Variants in WWC2 observed in about 807,000 individuals in gnomAD.
The protein encoded by WWC2 is protein WWC2.
WWC2 carries 101 observed loss-of-function variants against 138.5 expected under a neutral mutation model. The observed-to-expected ratio is 0.73, with a 90% CI of 0.62 to 0.86. The LOEUF is 0.86. Among genes scored for constraint, WWC2 ranks in the 40% least tolerant of loss-of-function variants. The pLI is 0.00. For missense variants in WWC2, 1,420 were observed against 1,419.4 expected, an observed-to-expected ratio of 1.00 and a Z score of -0.01; for synonymous variants, 558 against 538.4, an observed-to-expected ratio of 1.04 and a Z score of -0.50.
chr4:183,162,228 T>C (rs1484036158), intron 1 of WWC2, among the ~76,000 whole-genome samples: 1 of 152,092 alleles, frequency 6.6e-6, no homozygotes, highest in Non-Finnish European at 1.5e-5. Context: ...TAATTCTCAG[T>C]GTTTCTAATG....
At chr4:183,299,887 C>CCAG (rs560421312) in intron 21 of WWC2, among the ~76,000 whole-genome samples, 9 of 152,156 alleles carry the variant, frequency 5.9e-5, no homozygotes, top group Non-Finnish European at 1.3e-4. Flanking sequence ...TGAATCGAAG[C>CCAG]CAGCAGCAGA....
intron 14 of WWC2, among the ~76,000 whole-genome samples, chr4:183,267,904 CT>C (rs573083574): frequency 2.6e-5 from 4 of 152,016 alleles, no homozygotes; most frequent in East Asian, 1.9e-4. Flanking sequence ...TAAAATTGTT[CT>C]TTTTTTTCCC....
At position 183,320,295 on chromosome 4, in the gene WWC2, A is replaced by G. The variant is rs943448412; in HGVS notation, c.*4566A>G. The stretch of plus-strand genomic sequence containing the variant: ...TGAAAAGAAGTGTGACACTTGTGTT[A>G]TAACTTATGAAACTCAGAAATATTT... On this transcript the variant is annotated 3_prime_UTR_variant, in exon 23 of 23. Transcript: ENST00000403733. The G allele has an allele frequency of 3.9e-5, 51 of 1,307,538 alleles. No individual in the cohort carries two copies. The highest frequency in any genetic ancestry group is 1.9e-4 in the Middle Eastern group (1 of 5,258). 81.0% of individuals were successfully genotyped at this position (1,307,538 alleles called of 1,614,324 possible).
At chr4:183,267,347 G>A (rs1269671334) in intron 14 of WWC2, among the ~76,000 whole-genome samples, 1 of 152,114 alleles carries the variant, frequency 6.6e-6, no homozygotes, top group Non-Finnish European at 1.5e-5. Flanking sequence ...TCCCAAATGC[G>A]AGATGAAAAA....
chr4:183,265,891 T>A lies in WWC2; in HGVS notation c.2147T>A (p.Met716Lys). The change falls in exon 14 of 23, where the codon ATG becomes AAG. Residue 716 changes from methionine (M) to lysine (K), a missense_variant. Coordinates refer to ENST00000403733, the MANE Select transcript of WWC2 (RefSeq NM_024949.6). ...TACAATGCAAAAAGTTCAAGTTTCA[T>A]GGTGATTATAGCACAGCTCCGAAAC... ...LRYNAKSSSF[M>K]VIIAQLRNLH... The A allele has an allele frequency of 1.9e-6, 3 of 1,613,472 alleles. No homozygotes were observed. Among genetic ancestry groups the A allele is most frequent in the Non-Finnish European group, 2.5e-6 (3 of 1,179,708 alleles).
chr4:183,231,344 A>T (rs555425778), intron 4 of WWC2, among the ~76,000 whole-genome samples: 11 of 134,486 alleles, frequency 8.2e-5, no homozygotes, highest in African/African-American at 3.2e-4. Flanking sequence ...ATCTCAGCTC[A>T]TCACAACCTC....
chr4:183,257,130 A>G (rs1181700207), intron 9 of WWC2, among the ~76,000 whole-genome samples: 2 of 152,188 alleles, frequency 1.3e-5, no homozygotes, highest in Non-Finnish European at 2.9e-5. Context: ...GTGCTTTCCT[A>G]TAGCTGGTAA....
intron 1 of WWC2, among the ~76,000 whole-genome samples, chr4:183,126,549 G>A (rs1354161655): frequency 6.6e-6 from 1 of 152,142 alleles, no homozygotes; most frequent in Non-Finnish European, 1.5e-5. Flanking sequence ...AGGAATAGGA[G>A]AGGACTGTTG....
Position 183,177,206 on chromosome 4 carries a change from G to A in WWC2, c.132-16393G>A, listed in dbSNP as rs140279847. On this transcript the variant is annotated intron_variant, in intron 1 of 22. Transcript: ENST00000403733. ...GACTCATGCATTAGTCAGCTCTGCT[G>A]TGGTAATAAGCAACCTGTAAATCTG... Among the ~76,000 whole-genome samples the A allele has an allele frequency of 1.4e-3, 208 of 152,332 alleles. 1 individual carries two copies. Among genetic ancestry groups the A allele is most frequent in the African/African-American group, 4.9e-3 (202 of 41,574 alleles).
At chr4:183,195,168 G>A (rs1048653978) in intron 2 of WWC2, among the ~76,000 whole-genome samples, 7 of 152,072 alleles carry the variant, frequency 4.6e-5, no homozygotes, top group Admixed American at 1.3e-4. Flanking sequence ...CTTTAAGCAC[G>A]GTGTCTCACC....
chr4:183,107,374 T>C (rs1380664026), intron 1 of WWC2, among the ~76,000 whole-genome samples: 4 of 152,272 alleles, frequency 2.6e-5, no homozygotes, highest in African/African-American at 4.8e-5. Context: ...TCTCGAACTT[T>C]TGACCTCAAG....
At chr4:183,297,493 T>C (rs1738673136) in intron 21 of WWC2, among the ~76,000 whole-genome samples, 2 of 150,832 alleles carry the variant, frequency 1.3e-5, no homozygotes, top group African/African-American at 2.4e-5. Flanking sequence ...CACTGCAACC[T>C]CTACCTCGCG....
chr4:183,282,624 C>T, intron 17 of WWC2, 84 bp from the exon 18 acceptor site: 2 of 1,342,736 alleles, frequency 1.5e-6, no homozygotes. Flanking sequence ...GTTTATTTCC[C>T]AGATAACAAC....
At position 183,222,544 on chromosome 4, in the gene WWC2, T is replaced by C. The variant is rs1245186826; in HGVS notation, c.522+13519T>C. On this transcript the variant is annotated intron_variant, in intron 4 of 22. Transcript: ENST00000403733. ...AACAAATTTTAATAAATGAAAGATA[T>C]TTTAAAAAATAGAAACAATATAAGG... 3.3e-5 allele frequency among the ~76,000 whole-genome samples: 5 copies of C among 152,098 alleles called. No individual in the cohort carries two copies. In the East Asian group the frequency reaches 9.6e-4, roughly 29 times the overall value.
At chr4:183,233,863 G>A (rs551042468) in intron 4 of WWC2, 1 of 152,306 alleles carries the variant, frequency 6.6e-6, no homozygotes, top group African/African-American at 2.4e-5. Context: ...GTCAGGAGAG[G>A]GATTTCCAGA....
At chr4:183,289,717 C>T in intron 21 of WWC2, 82 bp downstream of exon 21, 3 of 1,541,988 alleles carry the variant, frequency 1.9e-6, no homozygotes, top group Non-Finnish European at 8.7e-7. Flanking sequence ...CCAACTTACA[C>T]TTCTGTTTTG....
Position 183,232,460 on chromosome 4 carries a change from A to G in WWC2, c.523-7723A>G, listed in dbSNP as rs201649011. Among the ~76,000 whole-genome samples the G allele has an allele frequency of 3.3e-5, 5 of 152,140 alleles. No individual in the cohort carries two copies. The East Asian group carries it at 9.7e-4, about 29-fold the overall frequency. On this transcript the variant is annotated intron_variant, in intron 4 of 22. Coordinates refer to ENST00000403733, the MANE Select transcript of WWC2 (RefSeq NM_024949.6). Reference sequence around the variant, plus strand: ...TCCTCCATCCTCTGAGCCCTGAACAACCACTGTTTCCTGTCTTTCCCGATG... The same window carrying G: ...TCCTCCATCCTCTGAGCCCTGAACAGCCACTGTTTCCTGTCTTTCCCGATG...
chr4:183,280,837 T>C lies in WWC2; in HGVS notation c.2624T>C (p.Leu875Ser). 1 of 1,597,928 alleles carries C rather than the reference T, an allele frequency of 6.3e-7. No individual in the cohort carries two copies. The highest frequency in any genetic ancestry group is 8.5e-7 in the Non-Finnish European group (1 of 1,171,926). ...GAGTTGTTAGCTGTGGAACAAGAAT[T>C]AGCACAAGAAGAAGAAGAAGAATCA... ...SAELLAVEQELAQEEEEESGQ... is the reference protein window; with the variant it reads ...SAELLAVEQESAQEEEEESGQ... The change falls in exon 17 of 23, where the codon TTA becomes TCA. Residue 875 changes from leucine (L) to serine (S), a missense_variant. By Grantham distance (145) the Leu-to-Ser change is moderately radical. Coordinates refer to ENST00000403733, the MANE Select transcript of WWC2 (RefSeq NM_024949.6).
chr4:183,123,983 G>T (rs1039943120), intron 1 of WWC2, among the ~76,000 whole-genome samples: 2 of 152,048 alleles, frequency 1.3e-5, no homozygotes, highest in African/African-American at 4.8e-5. Flanking sequence ...AATTCGGAAC[G>T]TTCATTCTTC....
Sources: gnomAD v4.1 joint callset for allele counts (sites outside exome capture counted in the v4.1 genomes callset) on GRCh38, gnomAD v4.1.1 for gene constraint, MANE v1.5 for transcripts, NCBI Gene and HGNC (gene_info 2026-07-23, HGNC 2026-07-21) for gene names.